CDH10: variants seen among roughly 807,000 people sequenced by gnomAD.
CDH10 encodes the protein cadherin 10, also known as cadherin-10.
A neutral mutation model predicts 73.1 loss-of-function variants in CDH10; 30 were observed. The observed-to-expected ratio is 0.41, with a 90% CI of 0.31 to 0.56. The LOEUF (loss-of-function observed/expected upper bound fraction) is 0.56. Ranked by LOEUF, CDH10 falls within the 20% of genes least tolerant of loss-of-function variation. CDH10 has a pLI of 0.27. For missense variants in CDH10, 815 were observed against 973.7 expected (o/e 0.84, Z 2.17); for synonymous variants, 345 against 348.2 (o/e 0.99, Z 0.10).
At position 24,535,696 on chromosome 5, in the gene CDH10, T is replaced by G; in HGVS notation, c.646+7A>C. The G allele has an allele frequency of 1.9e-6, 3 of 1,606,688 alleles. No individual in the cohort carries two copies. The highest frequency in any genetic ancestry group is 2.6e-6 in the Non-Finnish European group (3 of 1,176,174). On this transcript the variant is annotated splice_region_variant and intron_variant, in intron 4 of 11. Transcript: ENST00000264463. ...AAATGAACAAACAGCAATTCATGAT[T>G]CCTGACCTGTTTCAGGCTCCACAGA... is the stretch of plus-strand genomic sequence containing the variant.
chr5:24,633,040 T>C (rs1032810220), intron 1 of CDH10, among the ~76,000 whole-genome samples: 5 of 151,916 alleles, frequency 3.3e-5, no homozygotes, highest in Admixed American at 1.3e-4. Context: ...TTTGTGCTTA[T>C]ATATTCCTAT....
chr5:24,509,240 C>CTTTTTT lies in CDH10; in HGVS notation c.1256+320_1256+325dup, dbSNP rs35903930. Among the ~76,000 whole-genome samples the CTTTTTT allele has an allele frequency of 2.9e-3, 248 of 85,330 alleles. 21 individuals carry two copies. The highest frequency in any genetic ancestry group is 0.012 in the African/African-American group (239 of 20,488). 56.0% of individuals were successfully genotyped at this position (85,330 alleles called of 152,430 possible). A position where few individuals can be genotyped will look rare whatever the true frequency, so the allele number is the denominator to read the frequency against. On this transcript the variant is annotated intron_variant, in intron 7 of 11. Coordinates refer to ENST00000264463, the MANE Select transcript of CDH10 (RefSeq NM_006727.5). Reference sequence around the variant, plus strand: ...AAACAACATTTTGTTCTCCTTTTTCCTTTTTTTTTTTTTTTTTTGAGACAG... The same window carrying CTTTTTT: ...AAACAACATTTTGTTCTCCTTTTTCCTTTTTTTTTTTTTTTTTTTTTTTTGAGACAG...
At chr5:24,574,852 G>A (rs1293930943) in intron 2 of CDH10, among the ~76,000 whole-genome samples, 1 of 151,220 alleles carries the variant, frequency 6.6e-6, no homozygotes, top group Non-Finnish European at 1.5e-5. Context: ...AAAAAAACCA[G>A]AGAACAAAAC....
chr5:24,577,896 G>A (rs78572887), intron 2 of CDH10, among the ~76,000 whole-genome samples: 79 of 152,322 alleles, frequency 5.2e-4, no homozygotes, highest in African/African-American at 1.8e-3. Flanking sequence ...GATCAACACA[G>A]TCACAATCTA....
intron 4 of CDH10, 65 bp downstream of exon 4, chr5:24,535,638 G>T (rs199886584): frequency 2.7e-5 from 38 of 1,431,382 alleles, no homozygotes; most frequent in Middle Eastern, 3.6e-4. Context: ...TTCTCCCATG[G>T]TCTTTCTACT....
chr5:24,602,381 T>A (rs570484807), intron 1 of CDH10, among the ~76,000 whole-genome samples: 2 of 152,270 alleles, frequency 1.3e-5, no homozygotes, highest in South Asian at 2.1e-4. Context: ...AGCCACAATC[T>A]GTAAACTGCC....
intron 1 of CDH10, among the ~76,000 whole-genome samples, chr5:24,597,897 T>G (rs1206716284): frequency 6.6e-6 from 1 of 151,798 alleles, no homozygotes; most frequent in Non-Finnish European, 1.5e-5. Flanking sequence ...CCTTCTTCAG[T>G]CAATTTATTA....
intron 2 of CDH10, among the ~76,000 whole-genome samples, chr5:24,561,340 TAATC>T (rs1186204932): frequency 6.6e-6 from 1 of 152,120 alleles, no homozygotes; most frequent in Non-Finnish European, 1.5e-5. Flanking sequence ...GTTTATTTCA[TAATC>T]AAGACAAATA....
At position 24,504,506 on chromosome 5, in the gene CDH10, C is replaced by CTGTTTTTTTTTTTTTTTTTTTTTTTTTTT. The variant is rs1554016940; in HGVS notation, c.1393+605_1393+606insAAAAAAAAAAAAAAAAAAAAAAAAAAACA. The stretch of plus-strand genomic sequence containing the variant: ...TATTAAATGCTTTTCTCCTATTAAT[C>CTGTTTTTTTTTTTTTTTTTTTTTTTTTTT]TTTTTTTTTTTTTTTTTTTTTTTTT... On this transcript the variant is annotated intron_variant, in intron 8 of 11. Coordinates refer to ENST00000264463, the MANE Select transcript of CDH10 (RefSeq NM_006727.5). Among the ~76,000 whole-genome samples the CTGTTTTTTTTTTTTTTTTTTTTTTTTTTT allele has an allele frequency of 3.2e-4, 21 of 65,206 alleles. 7 individuals are homozygous for CTGTTTTTTTTTTTTTTTTTTTTTTTTTTT. The highest frequency in any genetic ancestry group is 6.4e-4 in the Admixed American group (4 of 6,246). The allele number at this position is 65,206 out of a possible 152,430, so 42.8% of individuals were successfully genotyped here.
chr5:24,611,287 G>C lies in CDH10; in HGVS notation c.-123-17674C>G, dbSNP rs76807778. Among the ~76,000 whole-genome samples, 20 of 152,142 alleles carry C rather than the reference G, an allele frequency of 1.3e-4. No homozygotes were observed. The East Asian group carries it at 3.9e-3, about 29-fold the overall frequency. Reference sequence around the variant, plus strand: ...AATATAGCTTGTAACTGGTTAAACCGGGATTTTTTAAAGTCTTGGCCTGAT... The same window carrying C: ...AATATAGCTTGTAACTGGTTAAACCCGGATTTTTTAAAGTCTTGGCCTGAT... On this transcript the variant is annotated intron_variant, in intron 1 of 11. Transcript: ENST00000264463.
At position 24,535,050 on chromosome 5, in the gene CDH10, TTGTC is replaced by T. The variant is rs1272115972; in HGVS notation, c.814+58_814+61del. 2.9e-6 allele frequency: 4 copies of T among 1,388,040 alleles called. No homozygotes were observed. The African/African-American group carries it at 4.4e-5, about 15-fold the overall frequency. The allele number at this position is 1,388,040 out of a possible 1,614,324, so 86.0% of individuals were successfully genotyped here. A position where few individuals can be genotyped will look rare whatever the true frequency, so the allele number is the denominator to read the frequency against. On this transcript the variant is annotated intron_variant, in intron 5 of 11. Coordinates refer to ENST00000264463, the MANE Select transcript of CDH10 (RefSeq NM_006727.5). Reference sequence around the variant, plus strand: ...TGCTTTTTCTTTTCTTTTTCTTTCTTTGTCTGTCTTTTTTTACTCTAAATCTTTT... The same window carrying T: ...TGCTTTTTCTTTTCTTTTTCTTTCTTTGTCTTTTTTTACTCTAAATCTTTT...
chr5:24,549,194 G>C (rs1467960555), intron 2 of CDH10, among the ~76,000 whole-genome samples: 1 of 152,054 alleles, frequency 6.6e-6, no homozygotes, highest in African/African-American at 2.4e-5. Context: ...AATTACATAA[G>C]GTCACTGAAT....
intron 7 of CDH10, 89 bp downstream of exon 7, chr5:24,509,477 G>A (rs557165260): frequency 1.7e-4 from 199 of 1,164,206 alleles, no homozygotes; most frequent in Admixed American, 4.6e-4. Flanking sequence ...CTGACCTCGT[G>A]ATCCACCCGC....
At chr5:24,575,870 AT>A (rs967264681) in intron 2 of CDH10, among the ~76,000 whole-genome samples, 10 of 152,060 alleles carry the variant, frequency 6.6e-5, no homozygotes, top group African/African-American at 2.4e-4. Flanking sequence ...TCTATTGTAT[AT>A]TTTATAAATA....
At chr5:24,520,957 G>A (rs1023502782) in intron 5 of CDH10, among the ~76,000 whole-genome samples, 6 of 141,142 alleles carry the variant, frequency 4.3e-5, no homozygotes, top group African/African-American at 1.5e-4. Flanking sequence ...CTGACCTCAG[G>A]TGATCCACTG....
intron 8 of CDH10, among the ~76,000 whole-genome samples, chr5:24,504,113 G>A (rs939571241): frequency 6.6e-6 from 1 of 151,738 alleles, no homozygotes; most frequent in African/African-American, 2.4e-5. Context: ...TGCCATTTTG[G>A]CATAAAGATT....
intron 5 of CDH10, among the ~76,000 whole-genome samples, chr5:24,521,533 A>C (rs1007185313): frequency 4.6e-5 from 7 of 151,974 alleles, no homozygotes; most frequent in African/African-American, 1.7e-4. Context: ...AATCGCTTGA[A>C]CCTGGGAGGC....
intron 5 of CDH10, among the ~76,000 whole-genome samples, chr5:24,516,778 AG>A (rs1743123354): frequency 6.6e-6 from 1 of 151,704 alleles, no homozygotes; most frequent in African/African-American, 2.4e-5. Flanking sequence ...GAATGTTCCA[AG>A]TTCATCTTAT....
chr5:24,503,876 A>C (rs1742588347), intron 8 of CDH10, among the ~76,000 whole-genome samples: 1 of 152,180 alleles, frequency 6.6e-6, no homozygotes, highest in Non-Finnish European at 1.5e-5. Flanking sequence ...GGGATTCCTC[A>C]TCTGTAAAAG....
Sources: gnomAD v4.1 joint callset for allele counts (sites outside exome capture counted in the v4.1 genomes callset) on GRCh38, gnomAD v4.1.1 for gene constraint, MANE v1.5 for transcripts, NCBI Gene and HGNC (gene_info 2026-07-23, HGNC 2026-07-21) for gene names.